The following DNAH14 variants were observed in gnomAD, a reference collection of about 807,000 sequenced individuals.
DNAH14 encodes dynein axonemal heavy chain 14, also known as axonemal beta dynein heavy chain 14.
Under a neutral mutation model 520.9 loss-of-function variants are expected in DNAH14, and 478 were observed. That is an observed-to-expected ratio of 0.92 (90% CI 0.85 to 0.99). The LOEUF (loss-of-function observed/expected upper bound fraction) is 0.99. Ranked by LOEUF, DNAH14 falls within the 50% of genes least tolerant of loss-of-function variation. The pLI is 0.00. For synonymous variants in DNAH14, 1,581 were observed against 1,757.2 expected, an observed-to-expected ratio of 0.90 and a Z score of 2.51; for missense variants, 4,831 against 5,234.5, an observed-to-expected ratio of 0.92 and a Z score of 2.38.
intron 1 of DNAH14, among the ~76,000 whole-genome samples, chr1:224,945,600 T>G (rs1007837563): frequency 6.6e-6 from 1 of 152,234 alleles, no homozygotes; most frequent in Non-Finnish European, 1.5e-5. Flanking sequence ...TCTGCTCTGT[T>G]TTTTCCCCAT....
At chr1:225,248,606 G>T (rs1395151363) in intron 43 of DNAH14, among the ~76,000 whole-genome samples, 5 of 152,078 alleles carry the variant, frequency 3.3e-5, no homozygotes, top group Non-Finnish European at 1.5e-5. Flanking sequence ...TATATACCCA[G>T]GTCAGTATAT....
chr1:225,082,660 G>C lies in DNAH14; in HGVS notation c.3248G>C (p.Trp1083Ser). The C allele has an allele frequency of 6.4e-7, 1 of 1,551,572 alleles. No individual in the cohort carries two copies. Among genetic ancestry groups the C allele is most frequent in the Non-Finnish European group, 8.7e-7 (1 of 1,146,942 alleles). ...LGNPCLKPRH[W>S]EALQEIIGKS... Reference sequence around the variant, plus strand: ...AATCCCTGTCTCAAGCCAAGGCATTGGGAGGCTCTCCAGGAGATTATTGGG... The same window carrying C: ...AATCCCTGTCTCAAGCCAAGGCATTCGGAGGCTCTCCAGGAGATTATTGGG... The change falls in exon 20 of 86, where the codon TGG (tryptophan) becomes TCG (serine). Residue 1083 changes from tryptophan (W) to serine (S), a missense_variant. Physicochemically the swap from Trp to Ser is radical, Grantham distance 177. Coordinates refer to ENST00000682510, the MANE Select transcript of DNAH14 (RefSeq NM_001367479.1).
At chr1:225,107,050 G>A (rs1326878755) in intron 23 of DNAH14, among the ~76,000 whole-genome samples, 1 of 152,104 alleles carries the variant, frequency 6.6e-6, no homozygotes, top group Non-Finnish European at 1.5e-5. Context: ...TACAGATGGG[G>A]TTTTGGTGTG....
chr1:224,991,158 G>C (rs1236396672), intron 8 of DNAH14, among the ~76,000 whole-genome samples: 1 of 139,874 alleles, frequency 7.1e-6, no homozygotes, highest in Non-Finnish European at 1.5e-5. Context: ...GCAGTGGTGC[G>C]ATCTCAGCTC....
intron 8 of DNAH14, among the ~76,000 whole-genome samples, chr1:224,976,174 G>A (rs1215126105): frequency 6.6e-6 from 1 of 152,002 alleles, no homozygotes; most frequent in African/African-American, 2.4e-5. Flanking sequence ...AATAGGTGTG[G>A]TGTGGTGCTG....
intron 43 of DNAH14, among the ~76,000 whole-genome samples, chr1:225,251,995 G>T (rs962151341): frequency 1.8e-4 from 27 of 152,136 alleles, no homozygotes; most frequent in African/African-American, 6.5e-4. Context: ...CAATCAATAT[G>T]TTACTGGCAT....
chr1:225,384,298 C>T (rs2095814838), intron 81 of DNAH14, among the ~76,000 whole-genome samples: 3 of 152,254 alleles, frequency 2.0e-5, no homozygotes, highest in Admixed American at 6.5e-5. Flanking sequence ...TCCTTGTTAA[C>T]TTTCTGACTT....
At chr1:224,934,157 A>T (rs2058876813) in intron 1 of DNAH14, among the ~76,000 whole-genome samples, 1 of 151,420 alleles carries the variant, frequency 6.6e-6, no homozygotes, top group Non-Finnish European at 1.5e-5. Flanking sequence ...CCGAAGGAAC[A>T]CAGTAAACCT....
intron 30 of DNAH14, among the ~76,000 whole-genome samples, chr1:225,146,484 T>C (rs190120703): frequency 5.6e-4 from 85 of 152,348 alleles, no homozygotes; most frequent in Non-Finnish European, 8.8e-4. Context: ...TACAAACCAA[T>C]AGATTTCAAT....
intron 23 of DNAH14, among the ~76,000 whole-genome samples, chr1:225,114,475 C>T (rs7554589): frequency 6.6e-6 from 1 of 152,090 alleles, no homozygotes; most frequent in Admixed American, 6.6e-5. Flanking sequence ...GATGCAAGCT[C>T]TCCTTTAGTT....
At position 225,219,133 on chromosome 1, in the gene DNAH14, A is replaced by G. The variant is rs528073254; in HGVS notation, c.6439+11913A>G. 2.0e-5 allele frequency among the ~76,000 whole-genome samples: 3 copies of G among 152,334 alleles called. No homozygotes were observed. The East Asian group carries it at 5.8e-4, about 29-fold the overall frequency. ...TTAAAATGAATGAGAACAAAGACAC[A>G]GCCTACCAGAATCACTGGGACACAG... is the stretch of plus-strand genomic sequence containing the variant. On this transcript the variant is annotated intron_variant, in intron 41 of 85. Coordinates refer to ENST00000682510, the MANE Select transcript of DNAH14 (RefSeq NM_001367479.1).
intron 64 of DNAH14, among the ~76,000 whole-genome samples, chr1:225,326,229 C>G (rs924927898): frequency 2.6e-5 from 4 of 152,178 alleles, no homozygotes; most frequent in Non-Finnish European, 5.9e-5. Context: ...TGTTCAAGAT[C>G]TTAAGCTAAT....
At chr1:225,198,912 G>A (rs2086477098) in intron 38 of DNAH14, among the ~76,000 whole-genome samples, 1 of 152,166 alleles carries the variant, frequency 6.6e-6, no homozygotes, top group African/African-American at 2.4e-5. Context: ...TAATAAGATA[G>A]ATTGCTACCA....
At chr1:225,157,120 A>G (rs2149124866) in intron 34 of DNAH14, among the ~76,000 whole-genome samples, 1 of 152,324 alleles carries the variant, frequency 6.6e-6, no homozygotes, top group Non-Finnish European at 1.5e-5. Flanking sequence ...TTTTAAGGGA[A>G]AAAGGCAGTT....
intron 36 of DNAH14, among the ~76,000 whole-genome samples, chr1:225,170,268 A>C (rs569240825): frequency 6.6e-6 from 1 of 152,216 alleles, no homozygotes; most frequent in Non-Finnish European, 1.5e-5. Flanking sequence ...CACACATAAC[A>C]ATATTAACCT....
At chr1:225,233,635 GT>G (rs933552465) in intron 42 of DNAH14, among the ~76,000 whole-genome samples, 5 of 150,914 alleles carry the variant, frequency 3.3e-5, no homozygotes, top group Admixed American at 2.0e-4. Context: ...ATTTTTTAAT[GT>G]TTTTTTTTCT....
At chr1:225,252,768 T>A (rs961833619) in intron 44 of DNAH14, among the ~76,000 whole-genome samples, 4 of 152,140 alleles carry the variant, frequency 2.6e-5, no homozygotes, top group Admixed American at 2.0e-4. Flanking sequence ...GAAAAACATA[T>A]ATGTAAAAAC....
At position 225,042,952 on chromosome 1, in the gene DNAH14, A is replaced by G; in HGVS notation, c.1606A>G (p.Asn536Asp). The G allele has an allele frequency of 1.3e-6, 2 of 1,551,942 alleles. No individual in the cohort carries two copies. Among genetic ancestry groups the G allele is most frequent in the Non-Finnish European group, 1.7e-6 (2 of 1,147,044 alleles). ...TGATTCTTCAGAAAATTCTAAAGAG[A>G]ACTTTCATGAGTCTGACCAGTGCCC... ...ESDSSENSKENFHESDQCPEE... is the reference protein window; with the variant it reads ...ESDSSENSKEDFHESDQCPEE... The change falls in exon 13 of 86, where the codon AAC (asparagine) becomes GAC (aspartate). Residue 536 changes from asparagine (N) to aspartate (D), a missense_variant. Asn to Asp is a conservative substitution (Grantham distance 23, BLOSUM62 1). Coordinates refer to ENST00000682510, the MANE Select transcript of DNAH14 (RefSeq NM_001367479.1).
intron 10 of DNAH14, among the ~76,000 whole-genome samples, chr1:225,018,972 A>C (rs1242829312): frequency 6.6e-6 from 1 of 152,182 alleles, no homozygotes; most frequent in Non-Finnish European, 1.5e-5. Flanking sequence ...AAACACACTT[A>C]AGTACATAGG....
Sources: allele counts gnomAD v4.1 joint callset (sites outside exome capture counted in the v4.1 genomes callset), GRCh38; gene constraint gnomAD v4.1.1; transcripts MANE v1.5; gene names NCBI Gene and HGNC (gene_info 2026-07-23, HGNC 2026-07-21).